NDST4: variants seen among roughly 807,000 people sequenced by gnomAD.
The protein encoded by NDST4 is N-heparan sulfate sulfotransferase 4.
A neutral mutation model predicts 100.8 loss-of-function variants in NDST4; 63 were observed. The observed-to-expected ratio is 0.62, with a 90% CI of 0.51 to 0.77. The LOEUF (loss-of-function observed/expected upper bound fraction) is 0.77, where lower values mean the gene tolerates loss of function less well. Ranked by LOEUF, NDST4 falls within the 30% of genes least tolerant of loss-of-function variation. NDST4 has a pLI of 0.00. For synonymous variants in NDST4, 377 were observed against 361.8 expected, an observed-to-expected ratio of 1.04 and a Z score of -0.48; for missense variants, 943 against 1,018.4, an observed-to-expected ratio of 0.93 and a Z score of 1.01.
intron 4 of NDST4, among the ~76,000 whole-genome samples, chr4:114,965,579 G>T (rs139249640): frequency 1.3e-3 from 198 of 152,044 alleles, no homozygotes; most frequent in African/African-American, 4.5e-3. Context: ...ATACCAGACT[G>T]CTCAATAACA....
chr4:114,839,116 T>C (rs1723370832), intron 11 of NDST4, among the ~76,000 whole-genome samples: 1 of 152,326 alleles, frequency 6.6e-6, no homozygotes, highest in African/African-American at 2.4e-5. Flanking sequence ...CAAAAGAAGA[T>C]TGTAAGAATG....
intron 2 of NDST4, among the ~76,000 whole-genome samples, chr4:115,021,158 T>A (rs1212175292): frequency 6.6e-6 from 1 of 151,818 alleles, no homozygotes; most frequent in East Asian, 1.9e-4. Context: ...TGAACCAATC[T>A]AAATGCCCAT....
rs1179164295 is a variant in NDST4, at chr4:114,870,960, A to G, written c.1537-10T>C. On this transcript the variant is annotated splice_polypyrimidine_tract_variant and intron_variant, in intron 6 of 13. Transcript: ENST00000264363. ...TCATGAAAATGCTGATCTGAAAGAT[A>G]AATAAAAATGACCACAAAAATATCA... The G allele has an allele frequency of 1.9e-6, 3 of 1,591,956 alleles. No homozygotes were observed. Among genetic ancestry groups the G allele is most frequent in the Non-Finnish European group, 2.6e-6 (3 of 1,168,736 alleles).
At chr4:114,966,936 A>G (rs1726396747) in intron 4 of NDST4, among the ~76,000 whole-genome samples, 1 of 152,078 alleles carries the variant, frequency 6.6e-6, no homozygotes, top group Non-Finnish European at 1.5e-5. Context: ...ATTTCGAGAG[A>G]GGAAAGTGAG....
intron 2 of NDST4, among the ~76,000 whole-genome samples, chr4:115,037,664 A>AT (rs1044677754): frequency 1.3e-5 from 2 of 152,088 alleles, no homozygotes; most frequent in Admixed American, 6.6e-5. Flanking sequence ...ATGTTCAGCA[A>AT]TTTTTTTAAA....
At chr4:115,036,040 T>G (rs1219108064) in intron 2 of NDST4, among the ~76,000 whole-genome samples, 1 of 151,970 alleles carries the variant, frequency 6.6e-6, no homozygotes, top group African/African-American at 2.4e-5. Context: ...AAATAAAAAT[T>G]CAAATGAATA....
intron 7 of NDST4, among the ~76,000 whole-genome samples, chr4:114,860,677 A>G (rs1723900053): frequency 6.6e-6 from 1 of 152,198 alleles, no homozygotes; most frequent in Non-Finnish European, 1.5e-5. Flanking sequence ...CTACCTGCTT[A>G]CTTCTGGACA....
intron 6 of NDST4, among the ~76,000 whole-genome samples, chr4:114,877,668 G>T (rs747814967): frequency 3.9e-5 from 6 of 152,146 alleles, no homozygotes; most frequent in Non-Finnish European, 7.4e-5. Flanking sequence ...GGAGAAATAG[G>T]CCGGGCGCAA....
At chr4:115,022,421 T>TATATATATGTGTTCC (rs1560570141) in intron 2 of NDST4, among the ~76,000 whole-genome samples, 1,672 of 101,036 alleles carry the variant, frequency 0.017, 125 homozygotes, top group Non-Finnish European at 0.025. Flanking sequence ...ATGTGTTCCA[T>TATATATATGTGTTCC]ATATATGTGT....
intron 2 of NDST4, among the ~76,000 whole-genome samples, chr4:115,009,076 G>A (rs1727484198): frequency 8.0e-6 from 1 of 125,760 alleles, no homozygotes; most frequent in African/African-American, 3.0e-5. Flanking sequence ...TCATGGGTAG[G>A]AAGAATCAAT....
chr4:114,968,393 G>A (rs1305603053), intron 4 of NDST4, among the ~76,000 whole-genome samples: 3 of 152,202 alleles, frequency 2.0e-5, no homozygotes, highest in African/African-American at 7.2e-5. Flanking sequence ...GAAGATGTGA[G>A]AATGTGCATC....
intron 6 of NDST4, among the ~76,000 whole-genome samples, chr4:114,875,938 A>T (rs1724245707): frequency 6.6e-6 from 1 of 152,222 alleles, no homozygotes; most frequent in South Asian, 2.1e-4. Context: ...CAGCATTTTT[A>T]AATTGAAATT....
chr4:114,979,259 G>T (rs1726711193), intron 2 of NDST4, among the ~76,000 whole-genome samples: 1 of 151,624 alleles, frequency 6.6e-6, no homozygotes, highest in Non-Finnish European at 1.5e-5. Flanking sequence ...CACCAAAGTA[G>T]ATTCCTAAAT....
intron 1 of NDST4, among the ~76,000 whole-genome samples, chr4:115,078,741 T>C (rs1176030713): frequency 1.3e-5 from 2 of 152,014 alleles, no homozygotes; most frequent in Non-Finnish European, 2.9e-5. Context: ...CTCAGGAGGC[T>C]GAGACAGAGA....
At chr4:114,854,567 C>G (rs28792405) in intron 7 of NDST4, among the ~76,000 whole-genome samples, 3,330 of 152,242 alleles carry the variant, frequency 0.022, 123 homozygotes, top group African/African-American at 0.075. Flanking sequence ...CTCCCAAATT[C>G]AAGCGATTCT....
chr4:115,060,803 G>A (rs1257389878), intron 2 of NDST4, among the ~76,000 whole-genome samples: 1 of 151,572 alleles, frequency 6.6e-6, no homozygotes, highest in Non-Finnish European at 1.5e-5. Context: ...TCCCAACATG[G>A]CATTTATAAA....
At chr4:114,936,876 T>A (rs1333537142) in intron 5 of NDST4, among the ~76,000 whole-genome samples, 1 of 152,208 alleles carries the variant, frequency 6.6e-6, no homozygotes, top group Non-Finnish European at 1.5e-5. Flanking sequence ...TAAATTTAAC[T>A]CTCAGATGCT....
chr4:114,960,561 A>G (rs1726239113), intron 4 of NDST4, among the ~76,000 whole-genome samples: 1 of 152,146 alleles, frequency 6.6e-6, no homozygotes, highest in Non-Finnish European at 1.5e-5. Flanking sequence ...AAAAAAAATA[A>G]AAGAAAGAAA....
intron 9 of NDST4, among the ~76,000 whole-genome samples, chr4:114,847,761 G>A (rs1452501325): frequency 1.3e-5 from 2 of 152,080 alleles, no homozygotes; most frequent in South Asian, 2.1e-4. Context: ...TTATTTGCAT[G>A]ACAAATATCA....
Sources: gnomAD v4.1 joint callset for allele counts (sites outside exome capture counted in the v4.1 genomes callset) on GRCh38, gnomAD v4.1.1 for gene constraint, MANE v1.5 for transcripts, NCBI Gene and HGNC (gene_info 2026-07-23, HGNC 2026-07-21) for gene names.